DNMT3A: variants seen among roughly 807,000 people sequenced by gnomAD.
DNMT3A encodes DNA methyltransferase 3 alpha, also known as DNA (cytosine-5)-methyltransferase 3A.
In DNMT3A, 267 loss-of-function variants were observed where a neutral mutation model predicts 117.6. The ratio of observed to expected loss-of-function variants is 2.27; its 90% CI spans 2.05 to 2.51. DNMT3A has a LOEUF of 2.51. Ranked by LOEUF, DNMT3A falls within the 30% of genes most tolerant of loss-of-function variation. The probability of loss-of-function intolerance (pLI) is 0.00; values close to 1 mark genes in which losing one functional copy is unlikely to be tolerated. For synonymous variants in DNMT3A, 432 were observed against 474.8 expected (o/e 0.91, Z 1.17); for missense variants, 1,029 against 1,260.2 (o/e 0.82, Z 2.78).
At chr2:25,259,845 C>G (rs1295113502) in intron 6 of DNMT3A, among the ~76,000 whole-genome samples, 3 of 152,200 alleles carry the variant, frequency 2.0e-5, no homozygotes, top group Non-Finnish European at 4.4e-5. Context: ...AGGAGCCCAG[C>G]AGACAGGCAC....
chr2:25,270,852 C>T (rs1056101234), intron 6 of DNMT3A, among the ~76,000 whole-genome samples: 23 of 152,162 alleles, frequency 1.5e-4, no homozygotes, highest in African/African-American at 5.1e-4. Flanking sequence ...GTTGTTACAC[C>T]ACTTAGAAAA....
At chr2:25,292,441 T>C (rs1166479824) in intron 3 of DNMT3A, among the ~76,000 whole-genome samples, 1 of 152,188 alleles carries the variant, frequency 6.6e-6, no homozygotes, top group African/African-American at 2.4e-5. Context: ...GCTTCTGTTT[T>C]CAATTTCTGC....
chr2:25,261,677 T>C (rs978028364), intron 6 of DNMT3A, among the ~76,000 whole-genome samples: 13 of 151,754 alleles, frequency 8.6e-5, no homozygotes, highest in African/African-American at 2.9e-4. Context: ...AAGGGCTGCA[T>C]AGATAGGTGA....
intron 2 of DNMT3A, 28 bp from the exon 3 acceptor site, chr2:25,300,271 C>A: frequency 6.3e-7 from 1 of 1,599,640 alleles, no homozygotes; most frequent in Non-Finnish European, 8.5e-7. Context: ...GCCTGTGAGG[C>A]CAGAGGTGGA....
chr2:25,279,922 C>T (rs550043061), intron 4 of DNMT3A, among the ~76,000 whole-genome samples: 1 of 152,240 alleles, frequency 6.6e-6, no homozygotes, highest in East Asian at 1.9e-4. Context: ...AACTCCTGAC[C>T]TCAAGTCATC....
intron 6 of DNMT3A, among the ~76,000 whole-genome samples, chr2:25,265,293 CG>C (rs2030218720): frequency 6.6e-6 from 1 of 152,170 alleles, no homozygotes; most frequent in Non-Finnish European, 1.5e-5. Context: ...GCTGGAAAGC[CG>C]GGCCAGCTCT....
At chr2:25,253,363 T>C (rs1675820810) in intron 6 of DNMT3A, among the ~76,000 whole-genome samples, 1 of 151,946 alleles carries the variant, frequency 6.6e-6, no homozygotes, top group African/African-American at 2.4e-5. Context: ...AACAAACATA[T>C]GTAAAGGTAA....
At chr2:25,243,402 ACTTAATTTATCTAT>A (rs1263064363) in intron 16 of DNMT3A, among the ~76,000 whole-genome samples, 3 of 152,186 alleles carry the variant, frequency 2.0e-5, no homozygotes, top group Non-Finnish European at 1.5e-5. Context: ...TTCACTACCC[ACTTAATTTATCTAT>A]CTATGGATGT....
rs972985382 is a variant in DNMT3A at position 25,254,368 on chromosome 2, G to A, written c.640-6116C>T. Among the ~76,000 whole-genome samples, 4 of 152,132 alleles carry A rather than the reference G, an allele frequency of 2.6e-5. No individual in the cohort carries two copies. The highest frequency in any genetic ancestry group is 1.3e-4 in the Admixed American group (2 of 15,288). On this transcript the variant is annotated intron_variant, in intron 6 of 22. Coordinates refer to ENST00000321117, the MANE Select transcript of DNMT3A (RefSeq NM_022552.5). This position sits in a 1 kb window ranked among gnomAD's most constrained non-coding sequence, Gnocchi z 4.7. ...GCCATCAGAGCAAGCAAACCCTGAAGAGCAAGGACCCCAAACCAGAGAGCC... is the reference window on the plus strand; with the variant it reads ...GCCATCAGAGCAAGCAAACCCTGAAAAGCAAGGACCCCAAACCAGAGAGCC...
chr2:25,327,233 G>A lies in DNMT3A; in HGVS notation c.-177-13072C>T, dbSNP rs978301688. Among the ~76,000 whole-genome samples the A allele has an allele frequency of 3.3e-5, 5 of 152,096 alleles. No individual in the cohort carries two copies. The highest frequency in any genetic ancestry group is 9.7e-5 in the African/African-American group (4 of 41,406). On this transcript the variant is annotated intron_variant, in intron 1 of 22. Coordinates refer to ENST00000321117, the MANE Select transcript of DNMT3A (RefSeq NM_022552.5). This position sits in a 1 kb window ranked among gnomAD's most constrained non-coding sequence, Gnocchi z 4.1. ...CCAATCCAATTAGAGTTAATAATTC[G>A]TTATGTGAAACTTTCCTTGTTCCAA...
rs138539090 is a variant in DNMT3A at position 25,299,802 on chromosome 2, G to A, written c.177+337C>T. 5.2e-3 allele frequency among the ~76,000 whole-genome samples: 798 copies of A among 152,256 alleles called. 2 individuals carry two copies. The highest frequency in any genetic ancestry group is 8.6e-3 in the Non-Finnish European group (586 of 68,032). ...AAAAATTAGCCGGGAATGGTGGCGC[G>A]TGCCTGTAATCACAGCTACTTGGGA... On this transcript the variant is annotated intron_variant, in intron 3 of 22. Coordinates refer to ENST00000321117, the MANE Select transcript of DNMT3A (RefSeq NM_022552.5).
rs1034862620 is a variant in DNMT3A, at chr2:25,257,335, G to A, written c.640-9083C>T. Among the ~76,000 whole-genome samples, 2 of 152,200 alleles carry A rather than the reference G, an allele frequency of 1.3e-5. No homozygotes were observed. Among genetic ancestry groups the A allele is most frequent in the Non-Finnish European group, 2.9e-5 (2 of 68,038 alleles). On this transcript the variant is annotated intron_variant, in intron 6 of 22. Coordinates refer to ENST00000321117, the MANE Select transcript of DNMT3A (RefSeq NM_022552.5). This position sits in a 1 kb window ranked among gnomAD's most constrained non-coding sequence, Gnocchi z 4.8. ...GCAGCTCCTGGCTGATGCTCTAAGT[G>A]GGGCAGACATTCCCCCTGTCCCTCA...
intron 20 of DNMT3A, among the ~76,000 whole-genome samples, chr2:25,238,349 T>A (rs1673597055): frequency 6.6e-6 from 1 of 152,034 alleles, no homozygotes; most frequent in African/African-American, 2.4e-5. Flanking sequence ...GGAGGGAGAT[T>A]ATTTGACCGA....
At position 25,282,682 on chromosome 2, in the gene DNMT3A, A is replaced by G; in HGVS notation, c.207T>C (p.Pro69=). The change falls in exon 4 of 23, where the codon CCT becomes CCC. Residue 69 remains proline (P), a synonymous_variant. Coordinates refer to ENST00000321117, the MANE Select transcript of DNMT3A (RefSeq NM_022552.5). The surrounding 1 kb of genome is among the most constrained non-coding windows in gnomAD (Gnocchi z 5.2). ...TGGATGGGGACTTGGAGATCACCGC[A>G]GGGTCCTTTGGCGTGTCACCGCTTT... is the stretch of plus-strand genomic sequence containing the variant. ...PVESGDTPKD[P]AVISKSPSMA... is the part of the protein sequence containing the mutation. 3.8e-6 allele frequency: 6 copies of G among 1,561,392 alleles called. No homozygotes were observed. Among genetic ancestry groups the G allele is most frequent in the Non-Finnish European group, 5.2e-6 (6 of 1,153,238 alleles).
intron 1 of DNMT3A, among the ~76,000 whole-genome samples, chr2:25,319,208 G>A (rs1429410137): frequency 3.3e-5 from 5 of 151,416 alleles, no homozygotes; most frequent in African/African-American, 1.2e-4. Flanking sequence ...TAGAGACGGG[G>A]TTTCACCATG....
In DNMT3A at chr2:25,304,652, G is replaced by A. The variant is rs999561982; in HGVS notation, c.73-4409C>T. On this transcript the variant is annotated intron_variant, in intron 2 of 22. Transcript: ENST00000321117. This position sits in a 1 kb window ranked among gnomAD's most constrained non-coding sequence, Gnocchi z 4.3. ...TTGCCACGGGGGTTCCCGGGGGCCA[G>A]GAGGATCCAGCCAAGCTCCTCAGCT... 1.3e-5 allele frequency among the ~76,000 whole-genome samples: 2 copies of A among 152,246 alleles called. No individual in the cohort carries two copies. The highest frequency in any genetic ancestry group is 4.8e-5 in the African/African-American group (2 of 41,464).
In DNMT3A at chr2:25,240,639, C is replaced by T. The variant is rs763716866; in HGVS notation, c.2173+1G>A. On this transcript the variant is annotated splice_donor_variant, in intron 18 of 22. Transcript: ENST00000321117. LOFTEE classifies it high-confidence loss of function. ...GGTGGAGGGGACAGGATGGTACCTA[C>T]CGTAGAGGCCCTTGCGAGCAGGGTT... 15 of 1,613,912 alleles carry T rather than the reference C, an allele frequency of 9.3e-6. No homozygotes were observed. Among genetic ancestry groups the T allele is most frequent in the Middle Eastern group, 1.6e-4 (1 of 6,080 alleles).
intron 3 of DNMT3A, among the ~76,000 whole-genome samples, chr2:25,290,603 TGAGCCACCACGCCC>T (rs1434896354): frequency 7.9e-5 from 12 of 152,354 alleles, no homozygotes; most frequent in African/African-American, 2.4e-4. Context: ...ATTACAGGCG[TGAGCCACCACGCCC>T]GGCCAGAAGT....
At chr2:25,285,098 C>T (rs1343150790) in intron 3 of DNMT3A, among the ~76,000 whole-genome samples, 1 of 152,162 alleles carries the variant, frequency 6.6e-6, no homozygotes, top group East Asian at 1.9e-4. Flanking sequence ...TTCCATGGGA[C>T]GGAGTTCCAG....
Sources: allele counts gnomAD v4.1 joint callset (sites outside exome capture counted in the v4.1 genomes callset), GRCh38; gene constraint gnomAD v4.1.1; non-coding constraint Gnocchi (gnomAD v3.1); transcripts MANE v1.5; gene names NCBI Gene and HGNC (gene_info 2026-07-23, HGNC 2026-07-21).